Variants in ZER1 observed in about 807,000 individuals in gnomAD.
ZER1 encodes the protein zyg-11 related cell cycle regulator, also known as protein zer-1 homolog.
ZER1 carries 11 observed loss-of-function variants against 78.8 expected under a neutral mutation model. That is an observed-to-expected ratio of 0.14 (90% CI 0.09 to 0.23). The LOEUF is 0.23. Ranked by LOEUF, ZER1 falls within the 10% of genes least tolerant of loss-of-function variation. The probability of loss-of-function intolerance (pLI) is 1.00; values close to 1 mark genes in which losing one functional copy is unlikely to be tolerated. For missense variants in ZER1, 588 were observed against 996.9 expected (o/e 0.59, Z 5.52); for synonymous variants, 400 against 407.0 (o/e 0.98, Z 0.21).
At chr9:128,731,512 C>G in intron 15 of ZER1, 118 bp from the exon 16 acceptor site, 2 of 807,390 alleles carry the variant, frequency 2.5e-6, no homozygotes, top group Non-Finnish European at 4.0e-6. Flanking sequence ...TGATGCTGAC[C>G]GAATGATGTG....
In ZER1 at chr9:128,730,790, C is replaced by T. The variant is rs1862788533; in HGVS notation, c.*547G>A. 6.5e-6 allele frequency: 1 copy of T among 152,804 alleles called. No individual in the cohort carries two copies. Among genetic ancestry groups the T allele is most frequent in the Non-Finnish European group, 1.5e-5 (1 of 68,178 alleles). 9.5% of individuals were successfully genotyped at this position (152,804 alleles called of 1,614,324 possible). ...GCCCCAGATGGCCCACAGCCGGGAGCACCAAGGCTTTTGGGAGACCCAGTG... is the reference window on the plus strand; with the variant it reads ...GCCCCAGATGGCCCACAGCCGGGAGTACCAAGGCTTTTGGGAGACCCAGTG... On this transcript the variant is annotated 3_prime_UTR_variant, in exon 16 of 16. Coordinates refer to ENST00000291900, the MANE Select transcript of ZER1 (RefSeq NM_006336.4).
chr9:128,731,434 G>A, intron 15 of ZER1, 40 bp from the exon 16 acceptor site: 1 of 1,420,440 alleles, frequency 7.0e-7, no homozygotes, highest in Non-Finnish European at 9.9e-7. Flanking sequence ...GGGTGGGCTT[G>A]GGTGGGGGTG....
intron 5 of ZER1, 65 bp downstream of exon 5, chr9:128,752,608 A>G: frequency 6.6e-7 from 1 of 1,508,854 alleles, no homozygotes; most frequent in African/African-American, 1.4e-5. Flanking sequence ...GGCGTGAGCC[A>G]CTGCGCCAGC....
At position 128,751,043 on chromosome 9, in the gene ZER1, T is replaced by C. The variant is rs914610083; in HGVS notation, c.1185+79A>G. ...ACAGGGTGCAGAAGGACACAGGCTCTGGGGACACGGCTCAGCCAAGCCCGG... is the reference window on the plus strand; with the variant it reads ...ACAGGGTGCAGAAGGACACAGGCTCCGGGGACACGGCTCAGCCAAGCCCGG... On this transcript the variant is annotated intron_variant, in intron 7 of 15. Coordinates refer to ENST00000291900, the MANE Select transcript of ZER1 (RefSeq NM_006336.4). The surrounding 1 kb of genome is among the most constrained non-coding windows in gnomAD (Gnocchi z 5.4). 9.3e-6 allele frequency: 14 copies of C among 1,512,670 alleles called. No individual in the cohort carries two copies. The highest frequency in any genetic ancestry group is 2.8e-5 in the African/African-American group (2 of 72,406). 93.7% of individuals were successfully genotyped at this position (1,512,670 alleles called of 1,614,324 possible).
chr9:128,731,511 C>T (rs1862820071), intron 15 of ZER1, 117 bp from the exon 16 acceptor site: 2 of 816,412 alleles, frequency 2.4e-6, no homozygotes, highest in African/African-American at 1.7e-5. Flanking sequence ...GTGATGCTGA[C>T]CGAATGATGT....
chr9:128,741,855 C>T lies in ZER1; in HGVS notation c.1576-14G>A, dbSNP rs1485139710. On this transcript the variant is annotated splice_polypyrimidine_tract_variant and intron_variant, in intron 9 of 15. Transcript: ENST00000291900. Reference sequence around the variant, plus strand: ...CTTCAGCATGGTCTGCAGGCAGGGACAAGAGTCTGCTAGAGTGCTGGGGCT... The same window carrying T: ...CTTCAGCATGGTCTGCAGGCAGGGATAAGAGTCTGCTAGAGTGCTGGGGCT... The T allele has an allele frequency of 2.5e-6, 4 of 1,614,206 alleles. No individual in the cohort carries two copies. The highest frequency in any genetic ancestry group is 3.4e-6 in the Non-Finnish European group (4 of 1,180,028).
chr9:128,733,899 A>G (rs1589512544), intron 14 of ZER1, among the ~76,000 whole-genome samples: 1 of 139,976 alleles, frequency 7.1e-6, no homozygotes, highest in East Asian at 2.1e-4. Flanking sequence ...GGAGGCCGAG[A>G]CGGGCGGATC....
chr9:128,741,317 G>A (rs916395038), intron 11 of ZER1, among the ~76,000 whole-genome samples: 4 of 152,196 alleles, frequency 2.6e-5, no homozygotes, highest in African/African-American at 9.6e-5. Context: ...GGCTTTCCCT[G>A]GGAGTGGGGG....
chr9:128,731,741 T>C (rs1413100578), intron 15 of ZER1, among the ~76,000 whole-genome samples: 1 of 152,206 alleles, frequency 6.6e-6, no homozygotes, highest in East Asian at 1.9e-4. Flanking sequence ...CTCTTCTTCA[T>C]TTTCCCTGCA....
chr9:128,764,212 G>T (rs1003146954), intron 1 of ZER1, among the ~76,000 whole-genome samples: 4 of 152,164 alleles, frequency 2.6e-5, no homozygotes, highest in African/African-American at 9.7e-5. Flanking sequence ...CTGCCACAAG[G>T]TGAGGTTTCA....
In ZER1 at chr9:128,754,274, C is replaced by T. The variant is rs1004720375; in HGVS notation, c.159-315G>A. 1.2e-4 allele frequency among the ~76,000 whole-genome samples: 18 copies of T among 152,196 alleles called. No homozygotes were observed. Among genetic ancestry groups the T allele is most frequent in the African/African-American group, 2.9e-4 (12 of 41,448 alleles). ...GCAGCCCCACTGGCATGGCCACTCT[C>T]GTCACCTTCTTTAAGCCCCTCCTGC... On this transcript the variant is annotated intron_variant, in intron 2 of 15. Transcript: ENST00000291900. The surrounding 1 kb of genome is among the most constrained non-coding windows in gnomAD (Gnocchi z 4.3).
intron 1 of ZER1, among the ~76,000 whole-genome samples, chr9:128,757,224 G>C (rs765802812): frequency 1.3e-5 from 2 of 152,100 alleles, no homozygotes; most frequent in African/African-American, 4.8e-5. Context: ...TTCATCAAAA[G>C]TTACCACACA....
rs186685053 is a variant in ZER1 at position 128,758,373 on chromosome 9, G to A, written c.-94-2714C>T. ...ACTCCTGACCTCAGGTGATCTGCTCGCCTTGGCCTCCCAAAGTGCTGGGAT... is the reference window on the plus strand; with the variant it reads ...ACTCCTGACCTCAGGTGATCTGCTCACCTTGGCCTCCCAAAGTGCTGGGAT... On this transcript the variant is annotated intron_variant, in intron 1 of 15. Transcript: ENST00000291900. Among the ~76,000 whole-genome samples the A allele has an allele frequency of 3.0e-3, 462 of 151,840 alleles. 1 individual carries two copies. Among genetic ancestry groups the A allele is most frequent in the African/African-American group, 0.011 (446 of 41,386 alleles).
At position 128,755,486 on chromosome 9, in the gene ZER1, T is replaced by C. The variant is rs1184401691; in HGVS notation, c.80A>G (p.Tyr27Cys). ...CCGCAGGGTCTCCTTGTCCAGCAGGTAGCCCAGGGTGCCATCCAGGTTGCG... is the reference window on the plus strand; with the variant it reads ...CCGCAGGGTCTCCTTGTCCAGCAGGCAGCCCAGGGTGCCATCCAGGTTGCG... ...CLRNLDGTLG[Y>C]LLDKETLRLH... The change falls in exon 2 of 16, where the codon TAC (tyrosine) becomes TGC (cysteine). Residue 27 changes from tyrosine to cysteine, a missense_variant. This residue lies in a region of ZER1 where 406 missense variants were observed against 660.1 expected (regional missense o/e 0.62). Coordinates refer to ENST00000291900, the MANE Select transcript of ZER1 (RefSeq NM_006336.4). This position sits in a 1 kb window ranked among gnomAD's most constrained non-coding sequence, Gnocchi z 5.6. 1 of 1,613,986 alleles carries C rather than the reference T, an allele frequency of 6.2e-7. No homozygotes were observed. The highest frequency in any genetic ancestry group is 1.7e-5 in the Admixed American group (1 of 59,966).
intron 13 of ZER1, 104 bp from the exon 14 acceptor site, chr9:128,735,535 G>T: frequency 3.6e-6 from 4 of 1,119,896 alleles, no homozygotes; most frequent in South Asian, 1.5e-5. Flanking sequence ...GACCAACCAT[G>T]ATAGGCTGGC....
intron 13 of ZER1, among the ~76,000 whole-genome samples, chr9:128,738,721 C>T (rs540648123): frequency 6.6e-6 from 1 of 150,668 alleles, no homozygotes; most frequent in East Asian, 2.0e-4. Context: ...TCATTCTGTC[C>T]CCTAGGCTGG....
rs2132455896 is a variant in ZER1 at position 128,755,389 on chromosome 9, C to T, written c.158+19G>A. The T allele has an allele frequency of 6.2e-7, 1 of 1,613,190 alleles. No homozygotes were observed. The highest frequency in any genetic ancestry group is 1.3e-5 in the African/African-American group (1 of 75,014). On this transcript the variant is annotated intron_variant, in intron 2 of 15. Transcript: ENST00000291900. This position sits in a 1 kb window ranked among gnomAD's most constrained non-coding sequence, Gnocchi z 5.6. Reference sequence around the variant, plus strand: ...TCATGGTAAGACCCCTGCCCCTCCTCAGCCCTGGGTCTGCTCACTCATTGA... The same window carrying T: ...TCATGGTAAGACCCCTGCCCCTCCTTAGCCCTGGGTCTGCTCACTCATTGA...
At chr9:128,759,293 C>T (rs1053341177) in intron 1 of ZER1, among the ~76,000 whole-genome samples, 2 of 151,632 alleles carry the variant, frequency 1.3e-5, no homozygotes, top group South Asian at 4.2e-4. Flanking sequence ...GCCTCAGCCT[C>T]TGGAGTAACT....
At chr9:128,735,652 G>A (rs1213464733) in intron 13 of ZER1, among the ~76,000 whole-genome samples, 1 of 151,390 alleles carries the variant, frequency 6.6e-6, no homozygotes, top group African/African-American at 2.4e-5. Context: ...GAGGCACAAG[G>A]GACCCAGATT....
Sources: gnomAD v4.1 joint callset for allele counts (sites outside exome capture counted in the v4.1 genomes callset) on GRCh38, gnomAD v4.1.1 for gene constraint, gnomAD v4.1.1 regional missense constraint, Gnocchi (gnomAD v3.1) non-coding constraint, MANE v1.5 for transcripts, NCBI Gene and HGNC (gene_info 2026-07-23, HGNC 2026-07-21) for gene names.